Variants in OPHN1 observed in about 807,000 individuals in gnomAD.
OPHN1 encodes oligophrenin-1.
A neutral mutation model predicts 60.7 loss-of-function variants in OPHN1; 11 were observed. That is an observed-to-expected ratio of 0.18 (90% CI 0.11 to 0.30). OPHN1 has a LOEUF of 0.30. OPHN1 is among the 10% of genes least tolerant of loss of function. OPHN1 has a pLI of 1.00. For synonymous variants in OPHN1, 226 were observed against 222.6 expected (o/e 1.02, Z -0.14); for missense variants, 449 against 611.0 (o/e 0.73, Z 2.80).
At chrX:68,363,343 C>CT (rs1163285862) in intron 2 of OPHN1, among the ~76,000 whole-genome samples, 1 of 111,322 alleles carries the variant, frequency 9.0e-6, no homozygotes, top group Non-Finnish European at 1.9e-5. Context: ...GAGTTTCACT[C>CT]TTGTCACCCA....
rs761243878 is a variant in OPHN1 at position 68,404,584 on chromosome X, T to C, written c.154+28283A>G. ...ATGTACTCTGCAGGATTATTCACAATAGCCAAGAGTTGGAAACAACCCAAA... is the reference window on the plus strand; with the variant it reads ...ATGTACTCTGCAGGATTATTCACAACAGCCAAGAGTTGGAAACAACCCAAA... On this transcript the variant is annotated intron_variant, in intron 2 of 24. Coordinates refer to ENST00000355520, the MANE Select transcript of OPHN1 (RefSeq NM_002547.3). 4.5e-5 allele frequency among the ~76,000 whole-genome samples: 5 copies of C among 111,557 alleles called. No individual in the cohort carries two copies. In the South Asian group the frequency reaches 1.1e-3, roughly 25 times the overall value.
chrX:68,160,695 C>T (rs2077330714), intron 15 of OPHN1, among the ~76,000 whole-genome samples: 1 of 110,936 alleles, frequency 9.0e-6, no homozygotes, highest in South Asian at 3.7e-4. Context: ...AATAATATTA[C>T]AATGAAAATT....
chrX:68,216,639 G>A (rs1033191611), intron 6 of OPHN1, among the ~76,000 whole-genome samples: 10 of 110,960 alleles, frequency 9.0e-5, no homozygotes, highest in African/African-American at 2.6e-4. Flanking sequence ...AAATAAATGA[G>A]ACTTAATTAA....
intron 3 of OPHN1, among the ~76,000 whole-genome samples, chrX:68,297,987 A>G (rs961528784): frequency 8.9e-6 from 1 of 111,897 alleles, no homozygotes; most frequent in African/African-American, 3.2e-5. Context: ...ATACTTTTAT[A>G]TATTATTAAA....
intron 12 of OPHN1, 58 bp from the exon 13 acceptor site, chrX:68,194,556 A>G: frequency 1.0e-6 from 1 of 958,620 alleles, no homozygotes; most frequent in Non-Finnish European, 1.5e-6. Context: ...ATAGGAAAAC[A>G]GAGAACATAA....
At chrX:68,356,795 C>T (rs2147711854) in intron 2 of OPHN1, among the ~76,000 whole-genome samples, 1 of 111,297 alleles carries the variant, frequency 9.0e-6, no homozygotes, top group South Asian at 3.8e-4. Flanking sequence ...TGAGGTCTGA[C>T]CTCCAAATGC....
chrX:68,430,101 T>C (rs1301210615), intron 2 of OPHN1, among the ~76,000 whole-genome samples: 1 of 111,630 alleles, frequency 9.0e-6, no homozygotes, highest in East Asian at 2.8e-4. Context: ...AAGAACATAA[T>C]CCTGATCTTC....
In OPHN1 at chrX:68,064,734, G is replaced by A. The variant is rs940523360; in HGVS notation, c.1835-557C>T. ...TCTGAGACTTACTTAAAGCTTTTGAGACCCTAATGAGACCTAGGGACCATC... is the reference window on the plus strand; with the variant it reads ...TCTGAGACTTACTTAAAGCTTTTGAAACCCTAATGAGACCTAGGGACCATC... On this transcript the variant is annotated intron_variant, in intron 20 of 24. Transcript: ENST00000355520. Among the ~76,000 whole-genome samples the A allele has an allele frequency of 2.7e-5, 3 of 111,526 alleles. No homozygotes were observed. The Admixed American group carries it at 2.9e-4, about 11-fold the overall frequency.
intron 15 of OPHN1, among the ~76,000 whole-genome samples, chrX:68,190,304 GC>G (rs1273556909): frequency 8.9e-6 from 1 of 112,333 alleles, no homozygotes; most frequent in African/African-American, 3.2e-5. Context: ...TCAATCCACT[GC>G]CCTAAACACA....
intron 5 of OPHN1, among the ~76,000 whole-genome samples, chrX:68,241,486 G>T (rs1488118298): frequency 9.0e-6 from 1 of 111,572 alleles, no homozygotes; most frequent in African/African-American, 3.3e-5. Context: ...ACCTACAGGG[G>T]TATCCATGAT....
chrX:68,128,963 T>A, intron 15 of OPHN1, among the ~76,000 whole-genome samples: 1 of 111,766 alleles, frequency 8.9e-6, no homozygotes, highest in South Asian at 3.7e-4. Flanking sequence ...AAAAGCAGAA[T>A]TGTTCAAAAA....
chrX:68,297,639 T>A (rs1204017937), intron 3 of OPHN1, among the ~76,000 whole-genome samples: 1 of 111,610 alleles, frequency 9.0e-6, no homozygotes, highest in African/African-American at 3.3e-5. Context: ...ATAGCTCTCA[T>A]AATAATGAAA....
chrX:68,123,657 G>C (rs746427806), intron 15 of OPHN1, among the ~76,000 whole-genome samples: 54 of 111,474 alleles, frequency 4.8e-4, no homozygotes, highest in Non-Finnish European at 7.5e-4. Flanking sequence ...TCAGTTATAA[G>C]TTGTCATCAG....
intron 2 of OPHN1, among the ~76,000 whole-genome samples, chrX:68,340,981 C>T (rs1487909486): frequency 6.9e-5 from 7 of 101,755 alleles, no homozygotes; most frequent in East Asian, 3.0e-4. Context: ...GCCTGGGCAA[C>T]GAGAACAAAA....
intron 2 of OPHN1, among the ~76,000 whole-genome samples, chrX:68,370,521 A>G (rs1189365851): frequency 9.0e-6 from 1 of 110,722 alleles, no homozygotes; most frequent in Non-Finnish European, 1.9e-5. Context: ...AAAAAAAAAA[A>G]AGAGATGCTA....
At chrX:68,235,379 C>A (rs1239738976) in intron 5 of OPHN1, among the ~76,000 whole-genome samples, 1 of 111,245 alleles carries the variant, frequency 9.0e-6, no homozygotes, top group Non-Finnish European at 1.9e-5. Flanking sequence ...CTGTCTCATG[C>A]GAAATCCAAA....
chrX:68,265,746 T>A (rs1255036700), intron 5 of OPHN1, among the ~76,000 whole-genome samples: 1 of 110,732 alleles, frequency 9.0e-6, no homozygotes, highest in Non-Finnish European at 1.9e-5. Flanking sequence ...AAGGAGGAAG[T>A]TTGAACCCAT....
At chrX:68,192,061 TA>T (rs146866304) in intron 15 of OPHN1, among the ~76,000 whole-genome samples, 11,541 of 102,581 alleles carry the variant, frequency 0.11, 1,570 homozygotes, top group African/African-American at 0.38. Context: ...ATAACCAGAA[TA>T]AAAAAAAATC....
intron 15 of OPHN1, chrX:68,133,453 T>G (rs1001874370): frequency 3.4e-6 from 2 of 594,022 alleles, no homozygotes; most frequent in African/African-American, 4.4e-5. Flanking sequence ...AGCTTTGTTA[T>G]GTATCTGGGT....
Sources: allele counts gnomAD v4.1 joint callset (sites outside exome capture counted in the v4.1 genomes callset), GRCh38; gene constraint gnomAD v4.1.1; transcripts MANE v1.5; gene names NCBI Gene and HGNC (gene_info 2026-07-23, HGNC 2026-07-21).